Variants in CYS1 observed in about 807,000 individuals in gnomAD.
CYS1 encodes the protein cystin 1.
CYS1 carries 5 observed loss-of-function variants against 9.6 expected under a neutral mutation model. That is an observed-to-expected ratio of 0.52 (90% CI 0.27 to 1.10). The LOEUF is 1.10. Among genes scored for constraint, CYS1 ranks in the 50% least tolerant of loss-of-function variants. CYS1 has a pLI of 0.11. For missense variants in CYS1, 221 were observed against 207.9 expected, an observed-to-expected ratio of 1.06 and a Z score of -0.39; for synonymous variants, 88 against 95.7, an observed-to-expected ratio of 0.92 and a Z score of 0.47.
chr2:10,074,828 T>C (rs1385843905), intron 1 of CYS1, among the ~76,000 whole-genome samples: 1 of 152,176 alleles, frequency 6.6e-6, no homozygotes, highest in African/African-American at 2.4e-5. Context: ...AAAGCACTTC[T>C]GGGCCAGGTG....
intron 2 of CYS1, among the ~76,000 whole-genome samples, chr2:10,064,444 G>A (rs2125288307): frequency 6.6e-6 from 1 of 152,194 alleles, no homozygotes; most frequent in Middle Eastern, 3.4e-3. Flanking sequence ...TGCAGGGGCA[G>A]AGCTGCGTGG....
At chr2:10,066,514 A>AC (rs1256430102) in intron 1 of CYS1, among the ~76,000 whole-genome samples, 1 of 152,230 alleles carries the variant, frequency 6.6e-6, no homozygotes, top group Admixed American at 6.5e-5. Flanking sequence ...ACGTGTCTAC[A>AC]CAGCATGTGG....
At chr2:10,074,619 G>A (rs750422999) in intron 1 of CYS1, among the ~76,000 whole-genome samples, 4 of 152,198 alleles carry the variant, frequency 2.6e-5, no homozygotes, top group Non-Finnish European at 4.4e-5. Context: ...TCATGTGCCT[G>A]TGTATTACCT....
Position 10,063,945 on chromosome 2 carries a change from G to A in CYS1, c.371+1959C>T, listed in dbSNP as rs996633000. On this transcript the variant is annotated intron_variant, in intron 2 of 2. Coordinates refer to ENST00000381813, the MANE Select transcript of CYS1 (RefSeq NM_001037160.3). This position sits in a 1 kb window ranked among gnomAD's most constrained non-coding sequence, Gnocchi z 4.2. ...TTAAAGTATACTGAATGAAAAGGCT[G>A]GGTGCAGTGGCTCACGCCCATAATC... is the stretch of plus-strand genomic sequence containing the variant. Among the ~76,000 whole-genome samples the A allele has an allele frequency of 6.6e-6, 1 of 152,220 alleles. No homozygotes were observed. The highest frequency in any genetic ancestry group is 1.5e-5 in the Non-Finnish European group (1 of 68,048).
At chr2:10,065,082 AGCTCGCT>A (rs1661677456) in intron 2 of CYS1, among the ~76,000 whole-genome samples, 1 of 151,822 alleles carries the variant, frequency 6.6e-6, no homozygotes, top group Non-Finnish European at 1.5e-5. Context: ...CCTCCCCTGG[AGCTCGCT>A]GCTTGCATTT....
At chr2:10,078,520 C>T (rs1558362179) in intron 1 of CYS1, among the ~76,000 whole-genome samples, 3 of 152,264 alleles carry the variant, frequency 2.0e-5, no homozygotes, top group Non-Finnish European at 4.4e-5. Flanking sequence ...CCCCAGCCAC[C>T]AGTGACATTA....
intron 1 of CYS1, among the ~76,000 whole-genome samples, chr2:10,069,921 G>A (rs1476916311): frequency 6.6e-6 from 1 of 152,206 alleles, no homozygotes; most frequent in Non-Finnish European, 1.5e-5. Flanking sequence ...ACTAAAGGGA[G>A]GTGGGTTGTG....
At chr2:10,059,690 T>C (rs1317459226) in intron 2 of CYS1, among the ~76,000 whole-genome samples, 1 of 152,028 alleles carries the variant, frequency 6.6e-6, no homozygotes, top group Non-Finnish European at 1.5e-5. Flanking sequence ...TAAGACTCTG[T>C]CTCAAAAAAA....
At chr2:10,072,166 C>G (rs6752702) in intron 1 of CYS1, among the ~76,000 whole-genome samples, 45,005 of 151,940 alleles carry the variant, frequency 0.3, 6,982 homozygotes, top group African/African-American at 0.36. Flanking sequence ...TCACTGCAAC[C>G]TCTGCTCCTG....
chr2:10,059,144 T>C (rs1440396779), intron 2 of CYS1, among the ~76,000 whole-genome samples, 186 bp from the exon 3 acceptor site: 2 of 152,228 alleles, frequency 1.3e-5, no homozygotes, highest in Non-Finnish European at 2.9e-5. Context: ...CTGCGTCCGC[T>C]TCATCTCCCA....
intron 1 of CYS1, among the ~76,000 whole-genome samples, chr2:10,070,865 T>C (rs11685525): frequency 0.11 from 15,980 of 152,180 alleles, 887 homozygotes; most frequent in Middle Eastern, 0.23. Context: ...GCTGGTCTTG[T>C]ACTCCTGAGC....
At chr2:10,069,356 T>C (rs1661734970) in intron 1 of CYS1, among the ~76,000 whole-genome samples, 2 of 152,162 alleles carry the variant, frequency 1.3e-5, no homozygotes, top group African/African-American at 4.8e-5. Flanking sequence ...AAAAAATTAA[T>C]TATTTTTATT....
At position 10,058,592 on chromosome 2, in the gene CYS1, C is replaced by T. The variant is rs1415956183; in HGVS notation, c.*261G>A. The T allele has an allele frequency of 1.5e-5, 6 of 389,450 alleles. No individual in the cohort carries two copies. Among genetic ancestry groups the T allele is most frequent in the African/African-American group, 8.0e-5 (4 of 49,726 alleles). 24.1% of individuals were successfully genotyped at this position (389,450 alleles called of 1,614,324 possible). On this transcript the variant is annotated 3_prime_UTR_variant, in exon 3 of 3. Coordinates refer to ENST00000381813, the MANE Select transcript of CYS1 (RefSeq NM_001037160.3). ...CTCCAGAAGAACTGGGCAGGCTCCCCGCGTTGGGGAGGAGGCGCCGGCGGC... is the reference window on the plus strand; with the variant it reads ...CTCCAGAAGAACTGGGCAGGCTCCCTGCGTTGGGGAGGAGGCGCCGGCGGC...
At position 10,080,267 on chromosome 2, in the gene CYS1, G is replaced by C. The variant is rs1236582626; in HGVS notation, c.-44C>G. ...CGGACCGCCGAGGGGGCCCCCATGA[G>C]GGGGCGCGGCCGGGGGCGGGGACGC... On this transcript the variant is annotated 5_prime_UTR_variant, in exon 1 of 3. Coordinates refer to ENST00000381813, the MANE Select transcript of CYS1 (RefSeq NM_001037160.3). This position sits in a 1 kb window ranked among gnomAD's most constrained non-coding sequence, Gnocchi z 6.4. The C allele has an allele frequency of 9.8e-7, 1 of 1,021,590 alleles. No homozygotes were observed. The highest frequency in any genetic ancestry group is 5.8e-5 in the Admixed American group (1 of 17,258). The allele number at this position is 1,021,590 out of a possible 1,614,324, so 63.3% of individuals were successfully genotyped here.
intron 2 of CYS1, among the ~76,000 whole-genome samples, chr2:10,059,208 A>G (rs1206341498): frequency 6.6e-6 from 1 of 152,190 alleles, no homozygotes; most frequent in Non-Finnish European, 1.5e-5. Context: ...TTGAGGGAGG[A>G]CGGGCTCTGG....
chr2:10,077,065 G>A (rs1020453082), intron 1 of CYS1, among the ~76,000 whole-genome samples: 21 of 152,016 alleles, frequency 1.4e-4, no homozygotes, highest in Admixed American at 6.6e-5. Flanking sequence ...AGCTGCTCTG[G>A]CCAAGAACTC....
Position 10,080,198 on chromosome 2 carries a change from C to A in CYS1, c.26G>T (p.Ser9Ile). 9.4e-7 allele frequency: 1 copy of A among 1,063,940 alleles called. No homozygotes were observed. Among genetic ancestry groups the A allele is most frequent in the South Asian group, 3.9e-5 (1 of 25,842 alleles). The allele number at this position is 1,063,940 out of a possible 1,614,324, so 65.9% of individuals were successfully genotyped here. A position where few individuals can be genotyped will look rare whatever the true frequency, so the allele number is the denominator to read the frequency against. ...GCTGCGCCGCCGCCTCAGAGTCCGG[C>A]TGCTCCGGCTGCTGCCGCTGCCCAT... MGSGSSRS[S>I]RTLRRRRSPE... Residue 9 changes from serine (S) to isoleucine (I), a missense_variant, in exon 1 of 3, where the codon AGC (serine) becomes ATC (isoleucine). Transcript: ENST00000381813. This position sits in a 1 kb window ranked among gnomAD's most constrained non-coding sequence, Gnocchi z 6.4.
intron 1 of CYS1, among the ~76,000 whole-genome samples, chr2:10,069,382 T>A (rs2125289889): frequency 6.6e-6 from 1 of 152,308 alleles, no homozygotes; most frequent in South Asian, 2.1e-4. Context: ...GTTGTTGTTG[T>A]TTTTTGCGAC....
rs1327861130 is a variant in CYS1 at position 10,079,924 on chromosome 2, G to C, written c.300C>G (p.Thr100=). 9.3e-5 allele frequency: 104 copies of C among 1,118,690 alleles called. No individual in the cohort carries two copies. The highest frequency in any genetic ancestry group is 1.1e-4 in the Non-Finnish European group (101 of 915,386). 69.3% of individuals were successfully genotyped at this position (1,118,690 alleles called of 1,614,324 possible). The change falls in exon 1 of 3, where the codon ACC becomes ACG. Residue 100 remains threonine, a synonymous_variant. Transcript: ENST00000381813. ...APRRPARLRP[T]AVAGSAVCAE... ...CACTCACCGCGCTCCCCGCGACCGC[G>C]GTGGGTCGGAGCCGGGCTGGGCGGC...
Sources: allele counts gnomAD v4.1 joint callset (sites outside exome capture counted in the v4.1 genomes callset), GRCh38; gene constraint gnomAD v4.1.1; non-coding constraint Gnocchi (gnomAD v3.1); transcripts MANE v1.5; gene names NCBI Gene and HGNC (gene_info 2026-07-23, HGNC 2026-07-21).